Variants in ITGA4 observed in about 807,000 individuals in gnomAD.
ITGA4 encodes the protein integrin subunit alpha 4, also known as integrin alpha-4.
In ITGA4, 63 loss-of-function variants were observed where a neutral mutation model predicts 133.6. That is an observed-to-expected ratio of 0.47 (90% confidence interval 0.38 to 0.58). ITGA4 has a LOEUF of 0.58. Among genes scored for constraint, ITGA4 ranks in the 20% least tolerant of loss-of-function variants. The probability of loss-of-function intolerance (pLI) is 0.00; values close to 1 mark genes in which losing one functional copy is unlikely to be tolerated. For synonymous variants in ITGA4, 483 were observed against 438.0 expected (o/e 1.10, Z -1.28); for missense variants, 1,076 against 1,252.7 (o/e 0.86, Z 2.13).
intron 10 of ITGA4, among the ~76,000 whole-genome samples, chr2:181,489,796 C>T (rs984113004): frequency 1.3e-5 from 2 of 152,030 alleles, no homozygotes; most frequent in South Asian, 4.1e-4. Flanking sequence ...CATCATCCAC[C>T]CCACACAACC....
rs200513728 is a variant in ITGA4 at position 181,529,583 on chromosome 2, G to T, written c.2473G>T (p.Glu825Ter). 19 of 1,611,030 alleles carry T rather than the reference G, an allele frequency of 1.2e-5. No homozygotes were observed. The highest frequency in any genetic ancestry group is 1.6e-5 in the Non-Finnish European group (19 of 1,177,502). Residue 825 changes from glutamate to a stop codon, truncating the protein, a stop_gained, in exon 23 of 28, where the codon GAA becomes TAA. Transcript: ENST00000397033. LOFTEE classifies it high-confidence loss of function. Reference sequence around the variant, plus strand: ...TAGTATGGCTCCCAATGTTAGTGTGGAAATAATGGTACCAAATTCTTTTAG... The same window carrying T: ...TAGTATGGCTCCCAATGTTAGTGTGTAAATAATGGTACCAAATTCTTTTAG... ...GNSMAPNVSVEIMVPNSFSPQ... is the reference protein window; with the variant it reads ...GNSMAPNVSV
chr2:181,482,757 C>A, intron 9 of ITGA4, 106 bp downstream of exon 9: 1 of 1,065,944 alleles, frequency 9.4e-7, no homozygotes, highest in South Asian at 1.4e-5. Context: ...CTTTTATTGA[C>A]AAAAGTTAAA....
At chr2:181,510,992 T>C (rs1160017391) in intron 16 of ITGA4, among the ~76,000 whole-genome samples, 1 of 152,062 alleles carries the variant, frequency 6.6e-6, no homozygotes, top group East Asian at 1.9e-4. Context: ...GACAGTACTC[T>C]AGTCACTTCA....
intron 17 of ITGA4, among the ~76,000 whole-genome samples, chr2:181,513,436 G>T (rs1686544683): frequency 6.6e-6 from 1 of 151,936 alleles, no homozygotes; most frequent in East Asian, 1.9e-4. Context: ...TCTTATTTCT[G>T]ATATCCAGAA....
At chr2:181,463,386 T>G (rs1685334566) in intron 2 of ITGA4, among the ~76,000 whole-genome samples, 1 of 152,138 alleles carries the variant, frequency 6.6e-6, no homozygotes, top group South Asian at 2.1e-4. Flanking sequence ...TTGGAGTAAC[T>G]GGGTCAAGAC....
Position 181,509,735 on chromosome 2 carries a change from A to G in ITGA4, c.1773A>G (p.Arg591=), listed in dbSNP as rs757065952. 5.1e-5 allele frequency: 82 copies of G among 1,611,912 alleles called. No homozygotes were observed. The highest frequency in any genetic ancestry group is 6.5e-5 in the Non-Finnish European group (77 of 1,178,676). The change falls in exon 16 of 28, where the codon CGA becomes CGG. Residue 591 remains arginine, a synonymous_variant. Transcript: ENST00000397033. ...TTGGTCCTCATGTCATCAGTAAACG[A>G]AGTACAGAGGAATTCCCACCACTTC... ...YHLGPHVISK[R]STEEFPPLQP... is the part of the protein sequence containing the mutation.
intron 9 of ITGA4, among the ~76,000 whole-genome samples, chr2:181,484,747 A>G (rs183142823): frequency 3.3e-5 from 5 of 152,222 alleles, no homozygotes; most frequent in Non-Finnish European, 5.9e-5. Context: ...TGACTACAAC[A>G]TGGTACATGG....
intron 4 of ITGA4, among the ~76,000 whole-genome samples, chr2:181,475,635 G>A (rs1685657826): frequency 6.6e-6 from 1 of 152,164 alleles, no homozygotes. Flanking sequence ...TGATTAAAAA[G>A]AAAGACTTTA....
Position 181,538,226 on chromosome 2 carries a change from G to T in ITGA4, c.*2699G>T. ...CTTCCATGCTTCCTCCATAAAGACT[G>T]ATAAGTCTTGGATGCAATCTGTAAA... On this transcript the variant is annotated 3_prime_UTR_variant, in exon 28 of 28. Transcript: ENST00000397033. The T allele has an allele frequency of 1.9e-6, 3 of 1,586,516 alleles. No homozygotes were observed. Among genetic ancestry groups the T allele is most frequent in the East Asian group, 2.2e-5 (1 of 44,712 alleles).
intron 2 of ITGA4, among the ~76,000 whole-genome samples, chr2:181,462,979 A>C (rs1427885309): frequency 6.6e-6 from 1 of 152,172 alleles, no homozygotes; most frequent in Non-Finnish European, 1.5e-5. Context: ...AAGGCTTTAA[A>C]GTTTATAAGA....
intron 22 of ITGA4, among the ~76,000 whole-genome samples, chr2:181,527,856 T>G (rs962533312): frequency 6.6e-6 from 1 of 152,222 alleles, no homozygotes; most frequent in Non-Finnish European, 1.5e-5. Flanking sequence ...CATAAGTTTA[T>G]GACCTGTGAC....
At chr2:181,484,393 A>G (rs373606012) in intron 9 of ITGA4, among the ~76,000 whole-genome samples, 1 of 152,154 alleles carries the variant, frequency 6.6e-6, no homozygotes, top group Non-Finnish European at 1.5e-5. Flanking sequence ...ACCTCTTCCT[A>G]TTGAAACTCT....
intron 2 of ITGA4, among the ~76,000 whole-genome samples, chr2:181,463,863 A>G (rs1676691699): frequency 6.6e-6 from 1 of 152,178 alleles, no homozygotes; most frequent in African/African-American, 2.4e-5. Context: ...CAAATGGCCA[A>G]TGGCAAATTT....
chr2:181,529,425 C>A, intron 22 of ITGA4, 116 bp from the exon 23 acceptor site: 1 of 481,606 alleles, frequency 2.1e-6, no homozygotes, highest in Admixed American at 3.8e-5. Context: ...AACCATAAAC[C>A]TCCACCACTA....
intron 25 of ITGA4, among the ~76,000 whole-genome samples, chr2:181,533,991 C>A (rs774065556): frequency 3.9e-5 from 6 of 152,108 alleles, no homozygotes; most frequent in African/African-American, 1.4e-4. Context: ...GGGTGGAGAA[C>A]AATGGTAAAT....
At chr2:181,522,144 ATTT>A (rs1244193857) in intron 17 of ITGA4, 44 bp from the exon 18 acceptor site, 1 of 1,215,252 alleles carries the variant, frequency 8.2e-7, no homozygotes. Flanking sequence ...AGAGAGAGGG[ATTT>A]TTATTTCCTA....
At chr2:181,513,189 A>G (rs1291256683) in intron 17 of ITGA4, among the ~76,000 whole-genome samples, 2 of 152,014 alleles carry the variant, frequency 1.3e-5, no homozygotes, top group Admixed American at 1.3e-4. Context: ...TCACTACCAC[A>G]TTCAACCTTG....
At chr2:181,520,105 C>A (rs1686687577) in intron 17 of ITGA4, among the ~76,000 whole-genome samples, 1 of 151,970 alleles carries the variant, frequency 6.6e-6, no homozygotes, top group African/African-American at 2.4e-5. Flanking sequence ...ATAGAGGTGC[C>A]CCGTGTGCTT....
intron 17 of ITGA4, among the ~76,000 whole-genome samples, chr2:181,515,920 AT>A (rs1161345343): frequency 6.6e-6 from 1 of 152,090 alleles, no homozygotes; most frequent in Non-Finnish European, 1.5e-5. Flanking sequence ...AGGTAAATGT[AT>A]TTACTCAGTA....
Sources: gnomAD v4.1 joint callset for allele counts (sites outside exome capture counted in the v4.1 genomes callset) on GRCh38, gnomAD v4.1.1 for gene constraint, MANE v1.5 for transcripts, NCBI Gene and HGNC (gene_info 2026-07-23, HGNC 2026-07-21) for gene names.